LINGO2: variants seen among roughly 807,000 people sequenced by gnomAD.
LINGO2 encodes the protein leucine-rich repeat and immunoglobulin-like domain-containing nogo receptor-interacting protein 2.
LINGO2 carries 14 observed loss-of-function variants against 30.6 expected under a neutral mutation model. That is an observed-to-expected ratio of 0.46 (90% confidence interval 0.30 to 0.72). The LOEUF (loss-of-function observed/expected upper bound fraction) is 0.72. Ranked by LOEUF, LINGO2 falls within the 30% of genes least tolerant of loss-of-function variation. The pLI, the probability that LINGO2 is intolerant of heterozygous loss-of-function variation, is 0.07. For synonymous variants in LINGO2, 317 were observed against 288.5 expected, an observed-to-expected ratio of 1.10 and a Z score of -1.00; for missense variants, 729 against 751.7, an observed-to-expected ratio of 0.97 and a Z score of 0.35.
At chr9:28,604,069 A>C (rs568923808) in intron 1 of LINGO2, among the ~76,000 whole-genome samples, 1 of 151,920 alleles carries the variant, frequency 6.6e-6, no homozygotes. Flanking sequence ...CAAATTCTCT[A>C]TGGCCTTTTA....
intron 4 of LINGO2, among the ~76,000 whole-genome samples, chr9:28,097,687 G>C (rs1826286107): frequency 8.4e-6 from 1 of 119,342 alleles, no homozygotes; most frequent in Non-Finnish European, 1.7e-5. Context: ...GACTGTGGTG[G>C]GGTCGGGGGA....
chr9:28,607,695 AC>A (rs1825749332), intron 1 of LINGO2, among the ~76,000 whole-genome samples: 1 of 152,018 alleles, frequency 6.6e-6, no homozygotes, highest in African/African-American at 2.4e-5. Context: ...AGAAAAAGAG[AC>A]CAAAAATTCC....
At chr9:28,123,879 G>A (rs1827167532) in intron 4 of LINGO2, among the ~76,000 whole-genome samples, 1 of 152,024 alleles carries the variant, frequency 6.6e-6, no homozygotes, top group Non-Finnish European at 1.5e-5. Flanking sequence ...TGTTAGCCAG[G>A]ATGGTCTTGA....
chr9:28,957,516 G>A, the LINGO2 span, among the ~76,000 whole-genome samples: 1 of 151,984 alleles, frequency 6.6e-6, no homozygotes, highest in Non-Finnish European at 1.5e-5. Context: ...TATGATTTTT[G>A]TTTGATTATT....
chr9:28,544,290 T>C (rs1408395737), intron 1 of LINGO2, among the ~76,000 whole-genome samples: 1 of 152,152 alleles, frequency 6.6e-6, no homozygotes, highest in Non-Finnish European at 1.5e-5. Flanking sequence ...TTTTATGGAA[T>C]AGAGTTGCCA....
intron 4 of LINGO2, among the ~76,000 whole-genome samples, chr9:28,171,619 G>C (rs1268436855): frequency 6.6e-6 from 1 of 151,958 alleles, no homozygotes; most frequent in African/African-American, 2.4e-5. Context: ...TGGGACTTTA[G>C]CTACCAATGT....
At chr9:27,962,972 C>T (rs2118608929) in intron 5 of LINGO2, among the ~76,000 whole-genome samples, 1 of 152,116 alleles carries the variant, frequency 6.6e-6, no homozygotes, top group Admixed American at 6.6e-5. Context: ...GTATTTATTC[C>T]CCACTTATTC....
At chr9:28,600,027 C>T in intron 1 of LINGO2, among the ~76,000 whole-genome samples, 1 of 151,886 alleles carries the variant, frequency 6.6e-6, no homozygotes, top group East Asian at 1.9e-4. Context: ...TTGAAAATGG[C>T]AAAATATTCT....
chr9:28,355,520 A>G (rs916675773), intron 3 of LINGO2, among the ~76,000 whole-genome samples: 4 of 152,168 alleles, frequency 2.6e-5, no homozygotes, highest in South Asian at 2.1e-4. Context: ...AAACACACAT[A>G]TATTTCCACT....
At chr9:29,118,146 T>C in the LINGO2 span, among the ~76,000 whole-genome samples, 1 of 152,098 alleles carries the variant, frequency 6.6e-6, no homozygotes, top group African/African-American at 2.4e-5. Context: ...GGTGAGAGTT[T>C]CTTCATTGCT....
At chr9:28,471,236 G>T (rs1306993029) in intron 2 of LINGO2, among the ~76,000 whole-genome samples, 1 of 152,162 alleles carries the variant, frequency 6.6e-6, no homozygotes, top group African/African-American at 2.4e-5. Flanking sequence ...TCTGAAGGCT[G>T]GGAGGTCCAA....
At chr9:28,648,909 T>C (rs1226955263) in intron 1 of LINGO2, among the ~76,000 whole-genome samples, 2 of 152,046 alleles carry the variant, frequency 1.3e-5, no homozygotes, top group Non-Finnish European at 2.9e-5. Context: ...TTGGCATATA[T>C]AGAAATGGTA....
rs181704270 is a variant in LINGO2, at chr9:28,264,749, C to G, written c.-87+30459G>C. Among the ~76,000 whole-genome samples, 342 of 152,058 alleles carry G rather than the reference C, an allele frequency of 2.2e-3. 2 individuals carry two copies. Among genetic ancestry groups the G allele is most frequent in the African/African-American group, 7.7e-3 (320 of 41,530 alleles). ...ATCTATAAAATGTGAGTGATAATCT[C>G]TTCCTGTGATAGTTTCATGTGTCAA... On this transcript the variant is annotated intron_variant, in intron 4 of 5. Coordinates refer to ENST00000379992, the Ensembl canonical transcript of LINGO2.
the LINGO2 span, among the ~76,000 whole-genome samples, chr9:29,016,332 A>G: frequency 2.0e-5 from 3 of 152,162 alleles, no homozygotes; most frequent in East Asian, 5.8e-4. Flanking sequence ...TCAGTTCATA[A>G]ATTTTCAGCT....
intron 4 of LINGO2, among the ~76,000 whole-genome samples, chr9:28,087,605 T>C (rs770358416): frequency 6.6e-6 from 1 of 152,036 alleles, no homozygotes; most frequent in Non-Finnish European, 1.5e-5. Flanking sequence ...GATCATGAAA[T>C]AGATCCCTAT....
the LINGO2 span, among the ~76,000 whole-genome samples, chr9:28,899,678 G>A: frequency 6.6e-6 from 1 of 152,282 alleles, no homozygotes; most frequent in Non-Finnish European, 1.5e-5. Context: ...GCCCTCCCTA[G>A]GTTCTAGATC....
At chr9:28,626,372 T>C (rs1826677093) in intron 1 of LINGO2, among the ~76,000 whole-genome samples, 1 of 152,110 alleles carries the variant, frequency 6.6e-6, no homozygotes, top group African/African-American at 2.4e-5. Context: ...ATTAATAAAG[T>C]ATTCTTTAAG....
chr9:28,497,689 C>T (rs1248273652), intron 1 of LINGO2, among the ~76,000 whole-genome samples: 2 of 152,174 alleles, frequency 1.3e-5, no homozygotes, highest in African/African-American at 2.4e-5. Context: ...CAGCTTTGTT[C>T]CGTTGCTGGT....
At chr9:28,822,006 C>T in the LINGO2 span, among the ~76,000 whole-genome samples, 1 of 152,146 alleles carries the variant, frequency 6.6e-6, no homozygotes, top group Non-Finnish European at 1.5e-5. Flanking sequence ...CTACCATCAA[C>T]AGAGACCTGA....
Sources: gnomAD v4.1 joint callset for allele counts (sites outside exome capture counted in the v4.1 genomes callset) on GRCh38, gnomAD v4.1.1 for gene constraint, MANE v1.5 for transcripts, NCBI Gene and HGNC (gene_info 2026-07-23, HGNC 2026-07-21) for gene names.